CARS1: variants seen among roughly 807,000 people sequenced by gnomAD.
CARS1 encodes the protein cysteine--tRNA ligase, cytoplasmic.
In CARS1, 48 loss-of-function variants were observed where a neutral mutation model predicts 106.2. The observed-to-expected ratio is 0.45, with a 90% confidence interval of 0.36 to 0.57. CARS1 has a LOEUF of 0.57. CARS1 is among the 20% of genes least tolerant of loss of function. The pLI, the probability that CARS1 is intolerant of heterozygous loss-of-function variation, is 0.00. For synonymous variants in CARS1, 409 were observed against 403.4 expected (o/e 1.01, Z -0.17); for missense variants, 968 against 1,057.2 (o/e 0.92, Z 1.17).
chr11:3,025,710 GT>G (rs1851990732), intron 10 of CARS1, among the ~76,000 whole-genome samples: 1 of 152,220 alleles, frequency 6.6e-6, no homozygotes, highest in African/African-American at 2.4e-5. Flanking sequence ...TTGTGGATGT[GT>G]CCCCAGATTC....
At chr11:3,032,580 G>A (rs974720330) in intron 7 of CARS1, among the ~76,000 whole-genome samples, 1 of 152,116 alleles carries the variant, frequency 6.6e-6, no homozygotes, top group Non-Finnish European at 1.5e-5. Context: ...TGGGCTGGGT[G>A]AGGAAGAAAT....
In CARS1 at chr11:3,040,007, C is replaced by A; in HGVS notation, c.456-76G>T. On this transcript the variant is annotated intron_variant, in intron 4 of 22. Coordinates refer to ENST00000380525, the MANE Select transcript of CARS1 (RefSeq NM_001014437.3). This position sits in a 1 kb window ranked among gnomAD's most constrained non-coding sequence, Gnocchi z 5.8. ...TAACCTCCAACAACACGTGTTTGAA[C>A]TGCATGAGTGCATTTATATATGATT... 3 of 730,646 alleles carry A rather than the reference C, an allele frequency of 4.1e-6. No homozygotes were observed. The highest frequency in any genetic ancestry group is 6.9e-6 in the Non-Finnish European group (3 of 433,850). 45.3% of individuals were successfully genotyped at this position (730,646 alleles called of 1,614,324 possible).
Position 3,028,765 on chromosome 11 carries a change from C to A in CARS1, c.1031+231G>T. ...TGATGGTCTTGGCTGCCGAGCTTCC[C>A]AGCAGATTCTGGGTTAGGTTCTCAC... On this transcript the variant is annotated intron_variant, in intron 9 of 22. Coordinates refer to ENST00000380525, the MANE Select transcript of CARS1 (RefSeq NM_001014437.3). The surrounding 1 kb of genome is among the most constrained non-coding windows in gnomAD (Gnocchi z 4.4). 1 of 532,996 alleles carries A rather than the reference C, an allele frequency of 1.9e-6. No homozygotes were observed. Among genetic ancestry groups the A allele is most frequent in the East Asian group, 3.0e-5 (1 of 33,666 alleles). The allele number at this position is 532,996 out of a possible 1,614,324, so 33.0% of individuals were successfully genotyped here. A position where few individuals can be genotyped will look rare whatever the true frequency, so the allele number is the denominator to read the frequency against.
At chr11:3,051,300 T>TG (rs1169908740) in intron 1 of CARS1, among the ~76,000 whole-genome samples, 1 of 152,154 alleles carries the variant, frequency 6.6e-6, no homozygotes, top group Non-Finnish European at 1.5e-5. Flanking sequence ...TGAAGGCGCC[T>TG]GGGGGGTGCC....
At position 3,040,739 on chromosome 11, in the gene CARS1, A is replaced by G; in HGVS notation, c.455+157T>C. On this transcript the variant is annotated intron_variant, in intron 4 of 22. Coordinates refer to ENST00000380525, the MANE Select transcript of CARS1 (RefSeq NM_001014437.3). This position sits in a 1 kb window ranked among gnomAD's most constrained non-coding sequence, Gnocchi z 5.8. ...TATGGCATTAAAATTTTCATCTTAA[A>G]AATAAGAGAAGAAATTCAGTCTTGA... 1 of 742,370 alleles carries G rather than the reference A, an allele frequency of 1.3e-6. No individual in the cohort carries two copies. The highest frequency in any genetic ancestry group is 2.2e-6 in the Non-Finnish European group (1 of 449,654). 46.0% of individuals were successfully genotyped at this position (742,370 alleles called of 1,614,324 possible).
At position 3,029,629 on chromosome 11, in the gene CARS1, C is replaced by T; in HGVS notation, c.802-186G>A. The T allele has an allele frequency of 1.7e-6, 1 of 605,396 alleles. No individual in the cohort carries two copies. Among genetic ancestry groups the T allele is most frequent in the Non-Finnish European group, 2.9e-6 (1 of 349,824 alleles). The allele number at this position is 605,396 out of a possible 1,614,324, so 37.5% of individuals were successfully genotyped here. A position where few individuals can be genotyped will look rare whatever the true frequency, so the allele number is the denominator to read the frequency against. The stretch of plus-strand genomic sequence containing the variant: ...TGGCTCGGCAGGGACAAATACAAGA[C>T]TCTACAAATGGGCAGGTCTCACATG... On this transcript the variant is annotated intron_variant, in intron 7 of 22. Coordinates refer to ENST00000380525, the MANE Select transcript of CARS1 (RefSeq NM_001014437.3). This position sits in a 1 kb window ranked among gnomAD's most constrained non-coding sequence, Gnocchi z 5.9.
In CARS1 at chr11:3,057,396, G is replaced by A; in HGVS notation, c.-29C>T. On this transcript the variant is annotated 5_prime_UTR_variant, in exon 1 of 23. Transcript: ENST00000380525. ...TGGGAATCCCGGACCCGCAGCTGCG[G>A]CTACAGACACTTCCTAGAATCTGAT... 2 of 1,605,218 alleles carry A rather than the reference G, an allele frequency of 1.2e-6. No individual in the cohort carries two copies. Among genetic ancestry groups the A allele is most frequent in the South Asian group, 1.1e-5 (1 of 90,592 alleles).
intron 2 of CARS1, 156 bp from the exon 3 acceptor site, chr11:3,042,412 G>T: frequency 1.7e-6 from 1 of 580,372 alleles, no homozygotes; most frequent in Non-Finnish European, 3.0e-6. Flanking sequence ...ACATTACGCA[G>T]GTCAAAGACA....
chr11:3,054,940 T>C, intron 1 of CARS1: 1 of 702,616 alleles, frequency 1.4e-6, no homozygotes, highest in Non-Finnish European at 2.6e-6. Flanking sequence ...GTAGGCTCCA[T>C]CTACCCCAGA....
rs1250369802 is a variant in CARS1 at position 3,053,304 on chromosome 11, C to T, written c.25+4039G>A. Among the ~76,000 whole-genome samples, 32 of 152,104 alleles carry T rather than the reference C, an allele frequency of 2.1e-4. No individual in the cohort carries two copies. The highest frequency in any genetic ancestry group is 5.9e-5 in the Non-Finnish European group (4 of 68,026). On this transcript the variant is annotated intron_variant, in intron 1 of 22. Coordinates refer to ENST00000380525, the MANE Select transcript of CARS1 (RefSeq NM_001014437.3). The surrounding 1 kb of genome is among the most constrained non-coding windows in gnomAD (Gnocchi z 6.6). ...GGAGTGCAGTGGCATGATCTCGGCTCACTGCAAACTCTGCCTCCCGGGTTC... is the reference window on the plus strand; with the variant it reads ...GGAGTGCAGTGGCATGATCTCGGCTTACTGCAAACTCTGCCTCCCGGGTTC...
At chr11:3,054,673 G>C (rs1022357024) in intron 1 of CARS1, among the ~76,000 whole-genome samples, 3 of 152,194 alleles carry the variant, frequency 2.0e-5, no homozygotes, top group Non-Finnish European at 4.4e-5. Context: ...CAGATTGCTT[G>C]ACTTCTCTGA....
At chr11:3,013,352 A>T (rs902198507) in intron 17 of CARS1, among the ~76,000 whole-genome samples, 1 of 151,926 alleles carries the variant, frequency 6.6e-6, no homozygotes, top group Non-Finnish European at 1.5e-5. Context: ...GGGTTTCTCC[A>T]TGTTGGTCAG....
intron 21 of CARS1, chr11:3,002,313 G>T: frequency 1.4e-6 from 1 of 728,084 alleles, no homozygotes; most frequent in Non-Finnish European, 2.3e-6. Flanking sequence ...ACGCTGTCTT[G>T]GAGCTTGTGA....
At chr11:3,054,945 C>A (rs1423899674) in intron 1 of CARS1, 12 of 702,464 alleles carry the variant, frequency 1.7e-5, no homozygotes, top group Non-Finnish European at 3.1e-5. Context: ...CTCCATCTAC[C>A]CCAGAAACCT....
In CARS1 at chr11:3,020,863, A is replaced by C. The variant is rs1258609615; in HGVS notation, c.1154-531T>G. ...GAACCTGGTGGCAGTGCAGTGGTGA[A>C]GGGGACATTTGCTGTTCCTGTGTAT... On this transcript the variant is annotated intron_variant, in intron 10 of 22. Transcript: ENST00000380525. The surrounding 1 kb of genome is among the most constrained non-coding windows in gnomAD (Gnocchi z 4.6). 6.6e-6 allele frequency among the ~76,000 whole-genome samples: 1 copy of C among 152,216 alleles called. No individual in the cohort carries two copies. The highest frequency in any genetic ancestry group is 1.5e-5 in the Non-Finnish European group (1 of 68,034).
In CARS1 at chr11:3,021,781, G is replaced by A. The variant is rs530524063; in HGVS notation, c.1154-1449C>T. Among the ~76,000 whole-genome samples, 13 of 152,148 alleles carry A rather than the reference G, an allele frequency of 8.5e-5. No homozygotes were observed. Among genetic ancestry groups the A allele is most frequent in the African/African-American group, 2.4e-4 (10 of 41,434 alleles). Reference sequence around the variant, plus strand: ...GATCTATCCACCAACACGGAAGGCCGCTGTCCTGGCTTCCTTCTACCTCCG... The same window carrying A: ...GATCTATCCACCAACACGGAAGGCCACTGTCCTGGCTTCCTTCTACCTCCG... On this transcript the variant is annotated intron_variant, in intron 10 of 22. Transcript: ENST00000380525. This position sits in a 1 kb window ranked among gnomAD's most constrained non-coding sequence, Gnocchi z 5.3.
At chr11:3,025,060 T>G (rs974404772) in intron 10 of CARS1, among the ~76,000 whole-genome samples, 4 of 152,128 alleles carry the variant, frequency 2.6e-5, no homozygotes, top group Admixed American at 6.5e-5. Flanking sequence ...TAGTGAAGCC[T>G]TCTGGTCCAG....
In CARS1 at chr11:3,041,299, G is replaced by C; in HGVS notation, c.367-315C>G. The C allele has an allele frequency of 2.7e-6, 1 of 370,494 alleles. No individual in the cohort carries two copies. The highest frequency in any genetic ancestry group is 2.9e-5 in the South Asian group (1 of 34,902). The allele number at this position is 370,494 out of a possible 1,614,324, so 23.0% of individuals were successfully genotyped here. On this transcript the variant is annotated intron_variant, in intron 3 of 22. Transcript: ENST00000380525. This position sits in a 1 kb window ranked among gnomAD's most constrained non-coding sequence, Gnocchi z 4.9. ...ATGCTGCTTATTTAACAATAACACA[G>C]CTAATATTTACTGAGTACCTACCAT... is the stretch of plus-strand genomic sequence containing the variant.
chr11:3,047,642 A>C (rs1855235360), intron 2 of CARS1, 111 bp downstream of exon 2: 3 of 1,413,022 alleles, frequency 2.1e-6, no homozygotes, highest in Non-Finnish European at 9.6e-7. Context: ...CACTTGGGCG[A>C]GGCTCCCTCT....
Sources: gnomAD v4.1 joint callset for allele counts (sites outside exome capture counted in the v4.1 genomes callset) on GRCh38, gnomAD v4.1.1 for gene constraint, Gnocchi (gnomAD v3.1) non-coding constraint, MANE v1.5 for transcripts, NCBI Gene and HGNC (gene_info 2026-07-23, HGNC 2026-07-21) for gene names.